Variants in NELL1 observed in about 807,000 individuals in gnomAD.
The protein encoded by NELL1 is neural EGFL like 1.
In NELL1, 76 loss-of-function variants were observed where a neutral mutation model predicts 107.4. That is an observed-to-expected ratio of 0.71 (90% CI 0.59 to 0.86). NELL1 has a LOEUF of 0.86. NELL1 is among the 40% of genes least tolerant of loss of function. NELL1 has a pLI of 0.00. For synonymous variants in NELL1, 353 were observed against 341.2 expected (o/e 1.03, Z -0.38); for missense variants, 1,024 against 1,005.5 (o/e 1.02, Z -0.25).
intron 12 of NELL1, among the ~76,000 whole-genome samples, chr11:21,066,427 A>G (rs764123368): frequency 1.3e-5 from 2 of 152,194 alleles, no homozygotes; most frequent in African/African-American, 2.4e-5. Context: ...AATACAACAT[A>G]AAAAAGTACA....
intron 13 of NELL1, among the ~76,000 whole-genome samples, chr11:21,174,405 TG>T (rs1314189157): frequency 2.0e-5 from 3 of 151,820 alleles, no homozygotes; most frequent in Admixed American, 1.3e-4. Flanking sequence ...CTTATAGTGG[TG>T]AGTGTGTACA....
At chr11:20,714,360 C>G (rs372932250) in intron 2 of NELL1, among the ~76,000 whole-genome samples, 2 of 56,332 alleles carry the variant, frequency 3.6e-5, no homozygotes, top group Non-Finnish European at 9.3e-5. Flanking sequence ...CACGCCACCA[C>G]GCCCGGCATT....
intron 12 of NELL1, among the ~76,000 whole-genome samples, chr11:20,984,523 C>A (rs902201684): frequency 1.3e-5 from 2 of 152,200 alleles, no homozygotes; most frequent in African/African-American, 4.8e-5. Context: ...CATTCCCTTT[C>A]TTCTTTCCTC....
At chr11:20,972,360 G>A (rs900439273) in intron 12 of NELL1, among the ~76,000 whole-genome samples, 1 of 152,112 alleles carries the variant, frequency 6.6e-6, no homozygotes, top group Non-Finnish European at 1.5e-5. Flanking sequence ...GTGTCAATGA[G>A]TAGTTAGGAA....
At chr11:21,441,688 A>C (rs1057487597) in intron 15 of NELL1, among the ~76,000 whole-genome samples, 1 of 152,096 alleles carries the variant, frequency 6.6e-6, no homozygotes, top group African/African-American at 2.4e-5. Flanking sequence ...AGAGTTTGAC[A>C]CTTTAATTTA....
intron 12 of NELL1, among the ~76,000 whole-genome samples, chr11:20,996,250 C>A (rs918608553): frequency 5.3e-5 from 8 of 152,164 alleles, no homozygotes; most frequent in African/African-American, 1.7e-4. Context: ...TTCCTCACAG[C>A]TTTTGGAGAC....
chr11:20,669,697 C>T lies in NELL1; in HGVS notation c.-27C>T. 1 of 1,607,672 alleles carries T rather than the reference C, an allele frequency of 6.2e-7. No individual in the cohort carries two copies. Among genetic ancestry groups the T allele is most frequent in the East Asian group, 2.2e-5 (1 of 44,682 alleles). ...TTGCTTCCACCTAGCTTCGGTGCCC[C>T]CTGCTAGGCGGGGACCCTCGAGAGC... On this transcript the variant is annotated 5_prime_UTR_variant, in exon 1 of 20. Coordinates refer to ENST00000357134, the MANE Select transcript of NELL1 (RefSeq NM_006157.5). This position sits in a 1 kb window ranked among gnomAD's most constrained non-coding sequence, Gnocchi z 4.4.
chr11:21,440,304 GT>G lies in NELL1; in HGVS notation c.1645+69368del, dbSNP rs202069598. 0.022 allele frequency among the ~76,000 whole-genome samples: 2,600 copies of G among 115,894 alleles called. 195 individuals carry two copies. In the East Asian group the frequency reaches 0.31, roughly 14 times the overall value. 76.0% of individuals were successfully genotyped at this position (115,894 alleles called of 152,430 possible). On this transcript the variant is annotated intron_variant, in intron 15 of 19. Transcript: ENST00000357134. ...TATTGTAGTAAGTAAACAAAAGTAA[GT>G]TTTTTTTTTTTGATGACTTAGGGTC...
chr11:20,745,799 T>A (rs1590254401), intron 2 of NELL1, among the ~76,000 whole-genome samples: 1 of 152,172 alleles, frequency 6.6e-6, no homozygotes, highest in African/African-American at 2.4e-5. Flanking sequence ...ATCTTCTAGA[T>A]GAGGACATTG....
intron 12 of NELL1, among the ~76,000 whole-genome samples, chr11:21,071,653 G>A (rs1389283442): frequency 6.6e-6 from 1 of 152,156 alleles, no homozygotes; most frequent in Non-Finnish European, 1.5e-5. Flanking sequence ...AGAATAATCT[G>A]ACTTCCAGTC....
At chr11:21,529,827 TTTTG>T (rs1855951174) in intron 15 of NELL1, among the ~76,000 whole-genome samples, 1 of 152,170 alleles carries the variant, frequency 6.6e-6, no homozygotes, top group Non-Finnish European at 1.5e-5. Flanking sequence ...AAGAGTCTTT[TTTTG>T]TTTAACAGTC....
chr11:21,179,832 G>A (rs192572313), intron 13 of NELL1, among the ~76,000 whole-genome samples: 7 of 123,154 alleles, frequency 5.7e-5, no homozygotes, highest in African/African-American at 2.2e-4. Context: ...GGAAGTATTT[G>A]TGCAAAGGTT....
At chr11:20,731,804 G>A (rs1283534005) in intron 2 of NELL1, among the ~76,000 whole-genome samples, 1 of 152,192 alleles carries the variant, frequency 6.6e-6, no homozygotes. Context: ...TCCGGGATTA[G>A]CAAGTATTGA....
At chr11:21,468,429 A>G (rs1389343616) in intron 15 of NELL1, among the ~76,000 whole-genome samples, 1 of 152,058 alleles carries the variant, frequency 6.6e-6, no homozygotes, top group African/African-American at 2.4e-5. Flanking sequence ...CATTTTTAAT[A>G]GTATTATTTT....
intron 3 of NELL1, among the ~76,000 whole-genome samples, chr11:20,806,557 T>C (rs1295171955): frequency 6.6e-6 from 1 of 152,172 alleles, no homozygotes; most frequent in Non-Finnish European, 1.5e-5. Context: ...AACCTTCTTG[T>C]ACTTAAATAT....
intron 13 of NELL1, among the ~76,000 whole-genome samples, chr11:21,178,826 A>AGC (rs1856764688): frequency 6.6e-6 from 1 of 151,756 alleles, no homozygotes; most frequent in Non-Finnish European, 1.5e-5. Context: ...AAAAAGATTC[A>AGC]ACTTAAAGGA....
intron 13 of NELL1, among the ~76,000 whole-genome samples, chr11:21,144,959 C>T (rs962661016): frequency 6.6e-6 from 1 of 152,066 alleles, no homozygotes; most frequent in African/African-American, 2.4e-5. Flanking sequence ...TACCTTGGGG[C>T]AAATCATTTT....
chr11:21,111,843 C>A (rs2133725784), intron 12 of NELL1, among the ~76,000 whole-genome samples: 1 of 152,090 alleles, frequency 6.6e-6, no homozygotes, highest in East Asian at 1.9e-4. Flanking sequence ...TAATGTCAAG[C>A]AGCCCTCTCT....
chr11:21,507,239 T>C (rs766736314), intron 15 of NELL1, among the ~76,000 whole-genome samples: 4 of 152,246 alleles, frequency 2.6e-5, no homozygotes, highest in Non-Finnish European at 5.9e-5. Flanking sequence ...CTTCCTTTCA[T>C]ATAAAAATCA....
Sources: allele counts gnomAD v4.1 joint callset (sites outside exome capture counted in the v4.1 genomes callset), GRCh38; gene constraint gnomAD v4.1.1; non-coding constraint Gnocchi (gnomAD v3.1); transcripts MANE v1.5; gene names NCBI Gene and HGNC (gene_info 2026-07-23, HGNC 2026-07-21).